DIS3L: variants seen among roughly 807,000 people sequenced by gnomAD.
DIS3L encodes the protein DIS3 like exosome 3'-5' exoribonuclease.
DIS3L carries 100 observed loss-of-function variants against 120.3 expected under a neutral mutation model. The observed-to-expected ratio is 0.83, with a 90% confidence interval of 0.71 to 0.98. The LOEUF (loss-of-function observed/expected upper bound fraction) is 0.98, where lower values mean the gene tolerates loss of function less well. Among genes scored for constraint, DIS3L ranks in the 50% least tolerant of loss-of-function variants. DIS3L has a pLI of 0.00. For synonymous variants in DIS3L, 426 were observed against 470.6 expected (o/e 0.91, Z 1.23); for missense variants, 1,196 against 1,314.2 (o/e 0.91, Z 1.39).
intron 7 of DIS3L, among the ~76,000 whole-genome samples, chr15:66,316,420 A>G (rs1279215985): frequency 1.3e-5 from 2 of 151,688 alleles, no homozygotes; most frequent in Non-Finnish European, 2.9e-5. Flanking sequence ...GTCCACTGGC[A>G]CCTCAGGATT....
rs1346613560 is a variant in DIS3L, at chr15:66,294,995, A to G, written c.147A>G (p.Lys49=). ...PQPAACSHDG[K]LLSSDVTHYV... is the part of the protein sequence containing the mutation. ...TTTTGAATTATGTTTCAGATGGGAA[A>G]CTCTTGTCTAGTGATGTGACTCATT... The change falls in exon 2 of 17, where the codon AAA becomes AAG. Residue 49 remains lysine, a synonymous_variant. Transcript: ENST00000319212. 8 of 1,610,498 alleles carry G rather than the reference A, an allele frequency of 5.0e-6. No individual in the cohort carries two copies. The highest frequency in any genetic ancestry group is 1.1e-5 in the South Asian group (1 of 90,738).
rs2092709137 is a variant in DIS3L, at chr15:66,307,025, T to C, written c.422+73T>C. 7 of 1,583,170 alleles carry C rather than the reference T, an allele frequency of 4.4e-6. 1 individual carries two copies. The highest frequency in any genetic ancestry group is 6.0e-6 in the Non-Finnish European group (7 of 1,159,370). On this transcript the variant is annotated intron_variant, in intron 3 of 16. Transcript: ENST00000319212. ...TTCCTCATCATTGGCTGTTTGGGAGTTGATCTAAATAGTCTGCTAGAACAA... is the reference window on the plus strand; with the variant it reads ...TTCCTCATCATTGGCTGTTTGGGAGCTGATCTAAATAGTCTGCTAGAACAA...
At position 66,332,091 on chromosome 15, in the gene DIS3L, G is replaced by T. The variant is rs551249947; in HGVS notation, c.2681+71G>T. The T allele has an allele frequency of 1.0e-4, 140 of 1,373,158 alleles. 1 individual carries two copies. The highest frequency in any genetic ancestry group is 4.5e-4 in the Middle Eastern group (2 of 4,402). 85.1% of individuals were successfully genotyped at this position (1,373,158 alleles called of 1,614,324 possible). A position where few individuals can be genotyped will look rare whatever the true frequency, so the allele number is the denominator to read the frequency against. On this transcript the variant is annotated intron_variant, in intron 15 of 16. Coordinates refer to ENST00000319212, the MANE Select transcript of DIS3L (RefSeq NM_001143688.3). ...AGTGTAGAACACAAACTGTACATTA[G>T]ATATAATTTATTAAAATATTTAAGC...
At chr15:66,328,834 T>C in intron 12 of DIS3L, 136 bp from the exon 13 acceptor site, 1 of 998,270 alleles carries the variant, frequency 1.0e-6, no homozygotes, top group South Asian at 1.8e-5. Context: ...TGAAAAGAGG[T>C]GCTTCTGAAA....
At chr15:66,304,523 G>A (rs1482649102) in intron 2 of DIS3L, among the ~76,000 whole-genome samples, 2 of 152,166 alleles carry the variant, frequency 1.3e-5, no homozygotes, top group African/African-American at 4.8e-5. Flanking sequence ...TGAGAGGTGA[G>A]GGAACAGCTT....
intron 1 of DIS3L, chr15:66,294,471 G>A (rs2092563454): frequency 1.0e-6 from 1 of 986,418 alleles, no homozygotes; most frequent in South Asian, 4.7e-5. Context: ...GTTAGAGCTT[G>A]GCTAACCAGC....
At chr15:66,327,885 ACT>A (rs1279505104) in intron 12 of DIS3L, among the ~76,000 whole-genome samples, 2 of 151,936 alleles carry the variant, frequency 1.3e-5, no homozygotes, top group African/African-American at 4.8e-5. Flanking sequence ...ACATGATGAA[ACT>A]CTCTCTGCTA....
chr15:66,305,731 A>G (rs940273642), intron 2 of DIS3L, among the ~76,000 whole-genome samples: 1 of 151,890 alleles, frequency 6.6e-6, no homozygotes, highest in African/African-American at 2.4e-5. Flanking sequence ...GGGTCTTGCT[A>G]CTTGGCACAA....
chr15:66,315,346 T>G, intron 7 of DIS3L, 131 bp downstream of exon 7: 3 of 882,400 alleles, frequency 3.4e-6, no homozygotes, highest in Non-Finnish European at 3.2e-6. Flanking sequence ...AAACTGTATT[T>G]ATTGTGTATA....
intron 1 of DIS3L, chr15:66,294,258 C>T (rs939442653): frequency 2.0e-6 from 2 of 985,466 alleles, no homozygotes; most frequent in Non-Finnish European, 2.4e-6. Context: ...ACTCTCTGGG[C>T]CCGCACTGGA....
chr15:66,295,187 C>G (rs2092573340), intron 2 of DIS3L, 46 bp downstream of exon 2: 2 of 1,569,830 alleles, frequency 1.3e-6, no homozygotes, highest in Admixed American at 1.8e-5. Flanking sequence ...AGGTTCCCCC[C>G]ACCTTAGAAA....
rs3803412 is a variant in DIS3L, at chr15:66,326,004, A to G, written c.1841A>G (p.Asp614Gly). Residue 614 changes from aspartate to glycine, a missense_variant, in exon 12 of 17, where the codon GAT (aspartate) becomes GGT (glycine). Physicochemically the swap from Asp to Gly is moderately conservative, Grantham distance 94. Coordinates refer to ENST00000319212, the MANE Select transcript of DIS3L (RefSeq NM_001143688.3). ...VDDIPEFKDL[D>G]EKSRQAKLEE... ...GATATTCCAGAATTCAAAGACTTGG[A>G]TGAGAAGAGCAGACAAGCCAAGCTG... 492,645 of 1,613,950 alleles carry G rather than the reference A, an allele frequency of 0.31. 77,636 individuals carry two copies. The highest frequency in any genetic ancestry group is 0.33 in the South Asian group (30,044 of 91,082).
At chr15:66,319,351 A>C (rs1003699096) in intron 8 of DIS3L, among the ~76,000 whole-genome samples, 1 of 152,196 alleles carries the variant, frequency 6.6e-6, no homozygotes, top group Non-Finnish European at 1.5e-5. Context: ...GTGTAGGACA[A>C]CCAGAGAGAA....
chr15:66,326,914 G>T (rs1278361600), intron 12 of DIS3L, among the ~76,000 whole-genome samples: 1 of 149,756 alleles, frequency 6.7e-6, no homozygotes, highest in Admixed American at 6.7e-5. Context: ...TACAATTTGG[G>T]TTTTTTTGTT....
chr15:66,311,050 TAAAAAAAA>T (rs34815047), intron 4 of DIS3L, among the ~76,000 whole-genome samples: 4 of 88,552 alleles, frequency 4.5e-5, no homozygotes, highest in Non-Finnish European at 6.5e-5. Flanking sequence ...CCCTGTCCCT[TAAAAAAAA>T]AAAAAAAAAA....
chr15:66,323,531 T>C lies in DIS3L; in HGVS notation c.1613T>C (p.Met538Thr). 1 of 1,614,278 alleles carries C rather than the reference T, an allele frequency of 6.2e-7. No homozygotes were observed. Among genetic ancestry groups the C allele is most frequent in the South Asian group, 1.1e-5 (1 of 91,090 alleles). The change falls in exon 11 of 17, where the codon ATG (methionine) becomes ACG (threonine). Residue 538 changes from methionine to threonine, a missense_variant. By Grantham distance (81) the Met-to-Thr change is moderately conservative. Coordinates refer to ENST00000319212, the MANE Select transcript of DIS3L (RefSeq NM_001143688.3). ...TATCTAGCAGATCGTCGCTATGACA[T>C]GCTGCCTTCCGTCCTCAGTGCAGAT... The part of the protein sequence containing the change: ...TYYLADRRYD[M>T]LPSVLSADLC...
intron 2 of DIS3L, among the ~76,000 whole-genome samples, chr15:66,298,179 CAAAAAAAAAAAAAAAA>C (rs11419116): frequency 4.3e-5 from 2 of 45,978 alleles, no homozygotes; most frequent in East Asian, 1.1e-3. Flanking sequence ...GACTCCGTCT[CAAAAAAAAAAAAAAAA>C]AAAAAAAAAA....
chr15:66,325,649 A>G (rs767961710), intron 11 of DIS3L, among the ~76,000 whole-genome samples, 182 bp from the exon 12 acceptor site: 1 of 152,168 alleles, frequency 6.6e-6, no homozygotes, highest in Non-Finnish European at 1.5e-5. Flanking sequence ...TTACACCTGT[A>G]ATCGCAGCAC....
chr15:66,307,293 A>G (rs953376395), intron 3 of DIS3L, among the ~76,000 whole-genome samples: 1 of 151,090 alleles, frequency 6.6e-6, no homozygotes, highest in African/African-American at 2.4e-5. Context: ...TTGTTTTTTT[A>G]TTTTTTTTAA....
Sources: gnomAD v4.1 joint callset for allele counts (sites outside exome capture counted in the v4.1 genomes callset) on GRCh38, gnomAD v4.1.1 for gene constraint, MANE v1.5 for transcripts, NCBI Gene and HGNC (gene_info 2026-07-23, HGNC 2026-07-21) for gene names.